GRM5: variants seen among roughly 807,000 people sequenced by gnomAD.
The protein encoded by GRM5 is metabotropic glutamate receptor 5.
Under a neutral mutation model 83.1 loss-of-function variants are expected in GRM5, and 19 were observed. The ratio of observed to expected loss-of-function variants is 0.23; its 90% CI spans 0.16 to 0.34. The LOEUF (loss-of-function observed/expected upper bound fraction) is 0.34, where lower values mean the gene tolerates loss of function less well. GRM5 is among the 10% of genes least tolerant of loss of function. The pLI is 1.00. For missense variants in GRM5, 1,160 were observed against 1,588.3 expected (o/e 0.73, Z 4.58); for synonymous variants, 675 against 633.6 (o/e 1.07, Z -0.98).
chr11:88,554,636 A>G (rs1942584308), intron 8 of GRM5, among the ~76,000 whole-genome samples: 1 of 152,154 alleles, frequency 6.6e-6, no homozygotes, highest in African/African-American at 2.4e-5. Flanking sequence ...TTCCCTGTTA[A>G]TTAACTATGT....
At chr11:88,895,577 T>C (rs1945215919) in intron 2 of GRM5, among the ~76,000 whole-genome samples, 1 of 152,010 alleles carries the variant, frequency 6.6e-6, no homozygotes, top group Non-Finnish European at 1.5e-5. Flanking sequence ...AATTTATTAC[T>C]ATTGGTATTC....
chr11:88,646,924 C>T (rs959615966), intron 4 of GRM5, among the ~76,000 whole-genome samples: 19 of 147,060 alleles, frequency 1.3e-4, no homozygotes, highest in African/African-American at 4.6e-4. Context: ...AATTGGTTGG[C>T]TTAACACAGT....
chr11:88,996,902 C>G (rs1286540584), intron 2 of GRM5, among the ~76,000 whole-genome samples: 2 of 152,092 alleles, frequency 1.3e-5, no homozygotes, highest in Non-Finnish European at 2.9e-5. Context: ...AATCTACATG[C>G]TAAAAAGGAA....
chr11:88,582,882 A>C (rs867663087), intron 7 of GRM5, among the ~76,000 whole-genome samples: 1 of 152,006 alleles, frequency 6.6e-6, no homozygotes, highest in African/African-American at 2.4e-5. Context: ...GTGGAGAGAG[A>C]CAGGTAGTAT....
chr11:88,578,552 G>A (rs1286780062), intron 7 of GRM5, among the ~76,000 whole-genome samples: 3 of 152,124 alleles, frequency 2.0e-5, no homozygotes, highest in Non-Finnish European at 1.5e-5. Context: ...TTTCTGGCAA[G>A]ATGAAAACTG....
At chr11:88,575,335 G>C (rs1173316130) in intron 7 of GRM5, among the ~76,000 whole-genome samples, 4 of 151,984 alleles carry the variant, frequency 2.6e-5, no homozygotes, top group Non-Finnish European at 5.9e-5. Context: ...TTTTTCAGAG[G>C]GGGCAGTATG....
intron 3 of GRM5, among the ~76,000 whole-genome samples, chr11:88,728,911 A>G (rs757846636): frequency 5.3e-5 from 8 of 152,234 alleles, no homozygotes; most frequent in Non-Finnish European, 7.3e-5. Context: ...CTCACAGCCA[A>G]TATCACACTG....
At chr11:89,028,157 G>A (rs1941174934) in intron 2 of GRM5, among the ~76,000 whole-genome samples, 1 of 152,142 alleles carries the variant, frequency 6.6e-6, no homozygotes. Context: ...CCAGTCTGTG[G>A]TAGTCTGGTA....
intron 2 of GRM5, among the ~76,000 whole-genome samples, chr11:88,877,777 C>T (rs1590932303): frequency 6.7e-6 from 1 of 148,726 alleles, no homozygotes; most frequent in Admixed American, 6.8e-5. Context: ...TTGCAATGAG[C>T]CAATATGCTG....
In GRM5 at chr11:88,505,259, C is replaced by T. The variant is rs935487621; in HGVS notation, c.*3333G>A. 2.6e-5 allele frequency: 4 copies of T among 152,212 alleles called. No individual in the cohort carries two copies. The highest frequency in any genetic ancestry group is 5.9e-5 in the Non-Finnish European group (4 of 68,028). The allele number at this position is 152,212 out of a possible 1,614,324, so 9.4% of individuals were successfully genotyped here. A position where few individuals can be genotyped will look rare whatever the true frequency, so the allele number is the denominator to read the frequency against. ...TTAATAAGCTGTTGCTAAATGTGAACTCACATAATACCTTTGAAGTCTCCA... is the reference window on the plus strand; with the variant it reads ...TTAATAAGCTGTTGCTAAATGTGAATTCACATAATACCTTTGAAGTCTCCA... On this transcript the variant is annotated 3_prime_UTR_variant, in exon 10 of 10. Coordinates refer to ENST00000305447, the MANE Select transcript of GRM5 (RefSeq NM_001143831.3).
At chr11:88,994,700 A>C (rs1415021880) in intron 2 of GRM5, among the ~76,000 whole-genome samples, 1 of 149,030 alleles carries the variant, frequency 6.7e-6, no homozygotes, top group Non-Finnish European at 1.5e-5. Context: ...TTTACTTTAT[A>C]TCAGAAAGTT....
intron 2 of GRM5, among the ~76,000 whole-genome samples, chr11:89,040,467 C>T (rs1281121929): frequency 6.6e-6 from 1 of 152,094 alleles, no homozygotes; most frequent in Non-Finnish European, 1.5e-5. Context: ...TCCAGCACTT[C>T]AGGAGGCCAA....
At position 88,557,172 on chromosome 11, in the gene GRM5, G is replaced by A. The variant is rs112189725; in HGVS notation, c.2630+9881C>T. Among the ~76,000 whole-genome samples, 367 of 152,150 alleles carry A rather than the reference G, an allele frequency of 2.4e-3. 6 individuals are homozygous for A. The highest frequency in any genetic ancestry group is 8.4e-3 in the African/African-American group (348 of 41,526). On this transcript the variant is annotated intron_variant, in intron 8 of 9. Coordinates refer to ENST00000305447, the MANE Select transcript of GRM5 (RefSeq NM_001143831.3). ...GGCTATTAGGCCTCTATGTGCTTCCGTTACTAATTTTTCTTTATATGTGGA... is the reference window on the plus strand; with the variant it reads ...GGCTATTAGGCCTCTATGTGCTTCCATTACTAATTTTTCTTTATATGTGGA...
rs529203005 is a variant in GRM5, at chr11:88,851,743, A to G, written c.662-1588T>C. On this transcript the variant is annotated intron_variant, in intron 2 of 9. Transcript: ENST00000305447. ...TTTTGGTGAAGTTTTATCTCCATGAACAAACTGCAAAGGGCAGAGCAGAGC... is the reference window on the plus strand; with the variant it reads ...TTTTGGTGAAGTTTTATCTCCATGAGCAAACTGCAAAGGGCAGAGCAGAGC... Among the ~76,000 whole-genome samples the G allele has an allele frequency of 3.3e-5, 5 of 152,328 alleles. No homozygotes were observed. In the South Asian group the frequency reaches 6.2e-4, roughly 19 times the overall value.
At chr11:89,021,261 T>C (rs570449775) in intron 2 of GRM5, among the ~76,000 whole-genome samples, 2 of 152,190 alleles carry the variant, frequency 1.3e-5, no homozygotes, top group South Asian at 2.1e-4. Context: ...GAAAGCAAAA[T>C]GTGCAGGAAG....
chr11:88,768,621 A>G (rs1942668615), intron 3 of GRM5, among the ~76,000 whole-genome samples: 1 of 68,334 alleles, frequency 1.5e-5, no homozygotes, highest in East Asian at 3.1e-4. Context: ...AACCACCTAT[A>G]AAAATTGAAA....
intron 3 of GRM5, among the ~76,000 whole-genome samples, chr11:88,734,569 G>A (rs1260815796): frequency 1.3e-5 from 2 of 151,996 alleles, no homozygotes; most frequent in Non-Finnish European, 2.9e-5. Context: ...TCAGGAAACA[G>A]TTACAACATA....
rs117748418 is a variant in GRM5 at position 88,607,687 on chromosome 11, T to C, written c.1148-2723A>G. Among the ~76,000 whole-genome samples, 47 of 152,332 alleles carry C rather than the reference T, an allele frequency of 3.1e-4. No individual in the cohort carries two copies. The East Asian group carries it at 7.5e-3, about 24-fold the overall frequency. ...CCTTTGACTCAATCTCTTAATACTC[T>C]TCTCGTAAATTATTCCGCCCTAGAC... On this transcript the variant is annotated intron_variant, in intron 4 of 9. Coordinates refer to ENST00000305447, the MANE Select transcript of GRM5 (RefSeq NM_001143831.3).
At chr11:88,509,590 GC>G in intron 9 of GRM5, 86 bp from the exon 10 acceptor site, 1 of 902,366 alleles carries the variant, frequency 1.1e-6, no homozygotes, top group South Asian at 1.5e-5. Flanking sequence ...TTGCTCATGG[GC>G]CCCGGACTGG....
Sources: gnomAD v4.1 joint callset for allele counts (sites outside exome capture counted in the v4.1 genomes callset) on GRCh38, gnomAD v4.1.1 for gene constraint, MANE v1.5 for transcripts, NCBI Gene and HGNC (gene_info 2026-07-23, HGNC 2026-07-21) for gene names.